The following ADGRL2 variants were observed in gnomAD, a reference collection of about 807,000 sequenced individuals.
ADGRL2 encodes the protein adhesion G protein-coupled receptor L2.
In ADGRL2, 44 loss-of-function variants were observed where a neutral mutation model predicts 157.4. That is an observed-to-expected ratio of 0.28 (90% CI 0.22 to 0.36). ADGRL2 has a LOEUF of 0.36. Among genes scored for constraint, ADGRL2 ranks in the 10% least tolerant of loss-of-function variants. ADGRL2 has a pLI of 1.00. For missense variants in ADGRL2, 1,510 were observed against 1,768.9 expected (o/e 0.85, Z 2.63); for synonymous variants, 585 against 624.7 (o/e 0.94, Z 0.95).
chr1:81,572,299 A>G (rs6682433), intron 2 of ADGRL2, among the ~76,000 whole-genome samples: 3,985 of 152,294 alleles, frequency 0.026, 116 homozygotes, highest in African/African-American at 0.063. Context: ...TATTATATCT[A>G]CTACAGTGTT....
chr1:81,819,702 A>G (rs571316692), intron 1 of ADGRL2, among the ~76,000 whole-genome samples: 1 of 152,290 alleles, frequency 6.6e-6, no homozygotes, highest in South Asian at 2.1e-4. Context: ...TATAAAAGCT[A>G]TCGTAATCTG....
intron 3 of ADGRL2, among the ~76,000 whole-genome samples, chr1:81,933,808 C>G (rs2095270077): frequency 6.6e-6 from 1 of 151,980 alleles, no homozygotes; most frequent in Non-Finnish European, 1.5e-5. Context: ...ATTTGGGCCT[C>G]TAAAAGCTTA....
chr1:81,814,607 G>T (rs564982436), intron 1 of ADGRL2, among the ~76,000 whole-genome samples: 1 of 151,190 alleles, frequency 6.6e-6, no homozygotes. Flanking sequence ...AATTGCTCTT[G>T]TTATTCCCAG....
At chr1:81,744,363 A>C (rs568512602) in intron 1 of ADGRL2, among the ~76,000 whole-genome samples, 27 of 152,320 alleles carry the variant, frequency 1.8e-4, no homozygotes, top group African/African-American at 6.5e-4. Flanking sequence ...CGATGAATAC[A>C]GATATAAAAC....
chr1:81,406,919 CT>C (rs1165284443), intron 1 of ADGRL2, among the ~76,000 whole-genome samples: 1 of 152,148 alleles, frequency 6.6e-6, no homozygotes, highest in Non-Finnish European at 1.5e-5. Flanking sequence ...CTCAATCAGC[CT>C]TCTGGTTTGG....
intron 3 of ADGRL2, among the ~76,000 whole-genome samples, chr1:81,587,614 G>A (rs908028141): frequency 3.9e-5 from 6 of 152,116 alleles, no homozygotes; most frequent in African/African-American, 1.4e-4. Flanking sequence ...AGCCTTGCAT[G>A]TTATGCTAAA....
intron 3 of ADGRL2, among the ~76,000 whole-genome samples, chr1:81,616,930 G>GGCCT (rs1218065765): frequency 6.6e-6 from 1 of 152,062 alleles, no homozygotes; most frequent in Non-Finnish European, 1.5e-5. Context: ...TGCCCACCTT[G>GGCCT]GCCTCCCAAA....
intron 1 of ADGRL2, among the ~76,000 whole-genome samples, chr1:81,425,750 G>T (rs1394561365): frequency 6.6e-6 from 1 of 152,196 alleles, no homozygotes; most frequent in Non-Finnish European, 1.5e-5. Context: ...TCTAGAGCAG[G>T]TAGGGGGGTC....
chr1:81,744,603 A>C (rs1463487476), intron 1 of ADGRL2, among the ~76,000 whole-genome samples: 2 of 152,182 alleles, frequency 1.3e-5, no homozygotes, highest in Non-Finnish European at 2.9e-5. Flanking sequence ...CATGATGAGA[A>C]GCTGAGAAAG....
intron 3 of ADGRL2, among the ~76,000 whole-genome samples, chr1:81,914,744 A>T (rs900408112): frequency 2.6e-5 from 4 of 152,216 alleles, no homozygotes; most frequent in African/African-American, 7.2e-5. Context: ...GTTTCAAGAC[A>T]ACTAACTGGT....
At chr1:81,960,793 C>A (rs1229431930) in intron 11 of ADGRL2, among the ~76,000 whole-genome samples, 1 of 152,062 alleles carries the variant, frequency 6.6e-6, no homozygotes, top group Non-Finnish European at 1.5e-5. Flanking sequence ...TTTTAATGAG[C>A]TGAGTGGCCA....
At chr1:81,325,199 G>A (rs1660812377) in intron 1 of ADGRL2, among the ~76,000 whole-genome samples, 1 of 152,122 alleles carries the variant, frequency 6.6e-6, no homozygotes, top group African/African-American at 2.4e-5. Context: ...TTTACACAGA[G>A]GTGCACTTCA....
intron 2 of ADGRL2, among the ~76,000 whole-genome samples, chr1:81,568,040 C>T (rs1216340226): frequency 7.3e-5 from 11 of 150,930 alleles, no homozygotes; most frequent in African/African-American, 1.9e-4. Context: ...GTTGGTTGTA[C>T]GTTGAAATAC....
chr1:81,575,326 C>T (rs2080776626), intron 2 of ADGRL2, among the ~76,000 whole-genome samples: 2 of 152,086 alleles, frequency 1.3e-5, no homozygotes, highest in African/African-American at 2.4e-5. Flanking sequence ...AGTTCCAGTA[C>T]ACATTTTTTA....
chr1:81,903,745 TTATA>T (rs534410710), intron 2 of ADGRL2, among the ~76,000 whole-genome samples: 2 of 142,432 alleles, frequency 1.4e-5, no homozygotes, highest in Admixed American at 7.4e-5. Flanking sequence ...TATATACACA[TTATA>T]TATATACACA....
At chr1:81,371,064 A>T (rs1401128090) in intron 1 of ADGRL2, among the ~76,000 whole-genome samples, 1 of 152,144 alleles carries the variant, frequency 6.6e-6, no homozygotes, top group Non-Finnish European at 1.5e-5. Flanking sequence ...GACATTACTG[A>T]AAAGGGGAAT....
intron 3 of ADGRL2, among the ~76,000 whole-genome samples, chr1:81,648,066 A>G (rs2082347375): frequency 1.3e-5 from 2 of 152,240 alleles, no homozygotes; most frequent in Non-Finnish European, 2.9e-5. Context: ...GGGAGATGAT[A>G]GGAGCAGCTG....
intron 1 of ADGRL2, among the ~76,000 whole-genome samples, chr1:81,321,663 C>A (rs1474961422): frequency 2.6e-5 from 4 of 152,126 alleles, no homozygotes; most frequent in African/African-American, 4.8e-5. Context: ...CAATTAAATT[C>A]ACGGTCTTAC....
intron 1 of ADGRL2, among the ~76,000 whole-genome samples, chr1:81,438,329 T>C (rs2077446256): frequency 6.6e-6 from 1 of 152,108 alleles, no homozygotes; most frequent in African/African-American, 2.4e-5. Flanking sequence ...ATAAATTGCA[T>C]AAATTTAGAA....
Sources: gnomAD v4.1 joint callset for allele counts (sites outside exome capture counted in the v4.1 genomes callset) on GRCh38, gnomAD v4.1.1 for gene constraint, MANE v1.5 for transcripts, NCBI Gene and HGNC (gene_info 2026-07-23, HGNC 2026-07-21) for gene names.